The following MERTK variants were observed in gnomAD, a reference collection of about 807,000 sequenced individuals.
MERTK encodes tyrosine-protein kinase Mer.
A neutral mutation model predicts 99.3 loss-of-function variants in MERTK; 69 were observed. The observed-to-expected ratio is 0.70, with a 90% CI of 0.57 to 0.85. The LOEUF (loss-of-function observed/expected upper bound fraction) is 0.85, where lower values mean the gene tolerates loss of function less well. MERTK is among the 40% of genes least tolerant of loss of function. The pLI is 0.00. For synonymous variants in MERTK, 426 were observed against 467.6 expected, an observed-to-expected ratio of 0.91 and a Z score of 1.15; for missense variants, 1,125 against 1,249.4, an observed-to-expected ratio of 0.90 and a Z score of 1.50.
intron 18 of MERTK, among the ~76,000 whole-genome samples, chr2:112,024,116 T>G (rs1403414970): frequency 6.6e-6 from 1 of 152,218 alleles, no homozygotes; most frequent in Non-Finnish European, 1.5e-5. Context: ...CCTGAAATGC[T>G]AATAAAATTA....
chr2:112,004,006 C>T (rs1468698952), intron 13 of MERTK, 22 bp downstream of exon 13: 1 of 1,591,082 alleles, frequency 6.3e-7, no homozygotes, highest in Admixed American at 1.7e-5. Flanking sequence ...GTGATGAATC[C>T]CATTCTTCTA....
At chr2:112,017,632 C>CAAAAAAAAAAAAAAAAAAAAA (rs35461094) in intron 15 of MERTK, among the ~76,000 whole-genome samples, 1 of 146,094 alleles carries the variant, frequency 6.8e-6, no homozygotes, top group African/African-American at 2.6e-5. Flanking sequence ...GACTTCGTCT[C>CAAAAAAAAAAAAAAAAAAAAA]AAAAAAAAAA....
intron 4 of MERTK, among the ~76,000 whole-genome samples, chr2:111,963,777 G>C (rs1041496934): frequency 2.6e-5 from 4 of 151,904 alleles, no homozygotes; most frequent in Non-Finnish European, 4.4e-5. Context: ...CACAGACACA[G>C]TAACAATCTG....
chr2:111,931,158 C>T (rs1684662261), intron 2 of MERTK, among the ~76,000 whole-genome samples: 1 of 152,092 alleles, frequency 6.6e-6, no homozygotes, highest in South Asian at 2.1e-4. Flanking sequence ...ACAGACCTAA[C>T]TACTCAGGTT....
intron 1 of MERTK, among the ~76,000 whole-genome samples, chr2:111,928,401 G>T (rs539966966): frequency 8.0e-5 from 12 of 150,368 alleles, no homozygotes; most frequent in African/African-American, 2.9e-4. Flanking sequence ...AATTTTTGGG[G>T]TGGTTTTTTT....
intron 1 of MERTK, among the ~76,000 whole-genome samples, chr2:111,903,956 T>C (rs1384571911): frequency 6.6e-6 from 1 of 152,228 alleles, no homozygotes; most frequent in Non-Finnish European, 1.5e-5. Flanking sequence ...GTTCTTTTCT[T>C]ATTGAAGTGT....
chr2:111,963,207 G>A (rs1187077448), intron 4 of MERTK, among the ~76,000 whole-genome samples: 4 of 152,190 alleles, frequency 2.6e-5, no homozygotes, highest in African/African-American at 9.7e-5. Flanking sequence ...TATTGCTGCC[G>A]CATGTCCTAC....
intron 8 of MERTK, among the ~76,000 whole-genome samples, chr2:111,991,823 T>C (rs1026613544): frequency 4.6e-5 from 7 of 152,164 alleles, no homozygotes; most frequent in African/African-American, 1.7e-4. Flanking sequence ...CCATAGCCCT[T>C]GTTGTTTCCT....
intron 9 of MERTK, chr2:111,994,808 A>G (rs1008606820): frequency 2.0e-5 from 6 of 307,046 alleles, no homozygotes; most frequent in Non-Finnish European, 6.3e-6. Context: ...AAGAAGGGAA[A>G]AATAAGAATC....
chr2:111,914,700 T>G (rs1019745343), intron 1 of MERTK, among the ~76,000 whole-genome samples: 2 of 152,230 alleles, frequency 1.3e-5, no homozygotes, highest in African/African-American at 2.4e-5. Flanking sequence ...GATGACATTG[T>G]CTGATTTTCA....
chr2:112,005,981 A>G (rs1321554561), intron 13 of MERTK, among the ~76,000 whole-genome samples: 1 of 152,038 alleles, frequency 6.6e-6, no homozygotes, highest in Non-Finnish European at 1.5e-5. Context: ...TCTGGGTTCG[A>G]GCAATTCTTC....
At chr2:111,957,048 C>T (rs571867882) in intron 4 of MERTK, among the ~76,000 whole-genome samples, 2 of 151,912 alleles carry the variant, frequency 1.3e-5, no homozygotes, top group African/African-American at 4.8e-5. Context: ...CTGCCTCAGC[C>T]TCCCAAATAG....
At chr2:112,002,928 G>A (rs1283145347) in intron 11 of MERTK, among the ~76,000 whole-genome samples, 164 bp from the exon 12 acceptor site, 1 of 152,144 alleles carries the variant, frequency 6.6e-6, no homozygotes, top group Non-Finnish European at 1.5e-5. Context: ...AGCCAAGGTT[G>A]CACCATTGCA....
chr2:111,989,294 A>T (rs571137865), intron 8 of MERTK, among the ~76,000 whole-genome samples: 1 of 151,554 alleles, frequency 6.6e-6, no homozygotes, highest in East Asian at 1.9e-4. Context: ...AGAAACTTTT[A>T]TCTCATTGAG....
chr2:111,912,499 C>T (rs552074972), intron 1 of MERTK, among the ~76,000 whole-genome samples: 3 of 152,224 alleles, frequency 2.0e-5, no homozygotes, highest in African/African-American at 7.2e-5. Flanking sequence ...AGCCCTTAAC[C>T]TTCTTACATG....
chr2:111,968,289 G>A, intron 6 of MERTK, 37 bp downstream of exon 6: 1 of 1,519,120 alleles, frequency 6.6e-7, no homozygotes, highest in Non-Finnish European at 9.1e-7. Flanking sequence ...TAGCTGTTTG[G>A]TGCTCTCTGT....
intron 15 of MERTK, among the ~76,000 whole-genome samples, chr2:112,016,310 T>G (rs1490696857): frequency 6.6e-6 from 1 of 152,188 alleles, no homozygotes; most frequent in Admixed American, 6.5e-5. Flanking sequence ...CAAGTGTATT[T>G]TCAATGATGG....
chr2:112,009,841 T>C (rs2104412883), intron 14 of MERTK, 107 bp from the exon 15 acceptor site: 3 of 869,018 alleles, frequency 3.5e-6, no homozygotes, highest in Non-Finnish European at 5.9e-6. Context: ...TTTTTCAAAC[T>C]GTTAACTTGG....
At chr2:112,008,319 G>A in intron 13 of MERTK, 64 bp from the exon 14 acceptor site, 2 of 1,225,244 alleles carry the variant, frequency 1.6e-6, no homozygotes, top group South Asian at 1.2e-5. Context: ...AACTGCTGTT[G>A]CCCACCCACT....
Sources: allele counts gnomAD v4.1 joint callset (sites outside exome capture counted in the v4.1 genomes callset), GRCh38; gene constraint gnomAD v4.1.1; transcripts MANE v1.5; gene names NCBI Gene and HGNC (gene_info 2026-07-23, HGNC 2026-07-21).